The following STRIP1 variants were observed in gnomAD, a reference collection of about 807,000 sequenced individuals.
STRIP1 encodes striatin-interacting protein 1.
A neutral mutation model predicts 106.2 loss-of-function variants in STRIP1; 63 were observed. The ratio of observed to expected loss-of-function variants is 0.59; its 90% confidence interval spans 0.48 to 0.73. The LOEUF is 0.73. STRIP1 is among the 30% of genes least tolerant of loss of function. The probability of loss-of-function intolerance (pLI) is 0.00; values close to 1 mark genes in which losing one functional copy is unlikely to be tolerated. For synonymous variants in STRIP1, 390 were observed against 413.0 expected, an observed-to-expected ratio of 0.94 and a Z score of 0.67; for missense variants, 857 against 1,074.8, an observed-to-expected ratio of 0.80 and a Z score of 2.83.
intron 6 of STRIP1, 41 bp from the exon 7 acceptor site, chr1:110,041,495 C>G (rs759301386): frequency 1.3e-6 from 2 of 1,503,756 alleles, no homozygotes; most frequent in Admixed American, 1.7e-5. Context: ...CTCCTTTGAC[C>G]CCCCCATCCC....
At chr1:110,049,699 A>T in intron 17 of STRIP1, 139 bp downstream of exon 17, 1 of 627,776 alleles carries the variant, frequency 1.6e-6, no homozygotes, top group East Asian at 2.8e-5. Flanking sequence ...GATAAATGAG[A>T]CATGGCCTCT....
At position 110,038,841 on chromosome 1, in the gene STRIP1, A is replaced by G. The variant is rs1045690324; in HGVS notation, c.325+84A>G. ...TTCTTTTAGGCATCTGAATGACCTG[A>G]GTCATCCTGGAACAGCCTGAGAAGC... On this transcript the variant is annotated intron_variant, in intron 3 of 20. Coordinates refer to ENST00000369795, the MANE Select transcript of STRIP1 (RefSeq NM_033088.4). 3 of 1,273,680 alleles carry G rather than the reference A, an allele frequency of 2.4e-6. No individual in the cohort carries two copies. In the African/African-American group the frequency reaches 4.4e-5, roughly 19 times the overall value. The allele number at this position is 1,273,680 out of a possible 1,614,324, so 78.9% of individuals were successfully genotyped here.
At chr1:110,044,106 T>C (rs1278473262) in intron 10 of STRIP1, among the ~76,000 whole-genome samples, 1 of 152,244 alleles carries the variant, frequency 6.6e-6, no homozygotes, top group African/African-American at 2.4e-5. Context: ...CTTGGTTAGA[T>C]GTGCTAGTGA....
intron 6 of STRIP1, chr1:110,041,327 AC>A: frequency 5.8e-6 from 3 of 514,904 alleles, no homozygotes; most frequent in Non-Finnish European, 1.1e-5. Flanking sequence ...TTCTGCTTTG[AC>A]CCTACAGCTC....
intron 13 of STRIP1, among the ~76,000 whole-genome samples, 188 bp downstream of exon 13, chr1:110,046,939 A>G (rs1460230508): frequency 1.3e-5 from 2 of 151,986 alleles, no homozygotes; most frequent in African/African-American, 4.8e-5. Flanking sequence ...AGTCCCAGCT[A>G]TTCAGGAGGC....
At position 110,051,684 on chromosome 1, in the gene STRIP1, T is replaced by A; in HGVS notation, c.2063T>A (p.Met688Lys). The A allele has an allele frequency of 6.2e-7, 1 of 1,601,258 alleles. No homozygotes were observed. The highest frequency in any genetic ancestry group is 8.5e-7 in the Non-Finnish European group (1 of 1,173,876). The change falls in exon 20 of 21, where the codon ATG (methionine) becomes AAG (lysine). Residue 688 changes from methionine (M) to lysine (K), a missense_variant and splice_region_variant. Physicochemically the swap from Met to Lys is moderately conservative, Grantham distance 95. Around this residue, in one of 2 missense-constraint regions of STRIP1, gnomAD observed 750 missense variants for 989.8 expected, o/e 0.76. Coordinates refer to ENST00000369795, the MANE Select transcript of STRIP1 (RefSeq NM_033088.4). The part of the protein sequence containing the change: ...LTKWKHSRTM[M>K]LVVFKSAPIL... Reference sequence around the variant, plus strand: ...CTGCTTGCTTGTTTCCCTTCCCAGATGCTGGTGGTGTTCAAGTCAGCCCCC... The same window carrying A: ...CTGCTTGCTTGTTTCCCTTCCCAGAAGCTGGTGGTGTTCAAGTCAGCCCCC...
upstream of STRIP1, among the ~76,000 whole-genome samples, chr1:110,031,899 ATTTTT>A (rs201513805): frequency 7.6e-6 from 1 of 132,424 alleles, no homozygotes; most frequent in Non-Finnish European, 1.6e-5. Context: ...TTTTAATTTG[ATTTTT>A]TTTTTTTTTT....
intron 19 of STRIP1, 50 bp from the exon 20 acceptor site, chr1:110,051,633 G>A: frequency 6.6e-7 from 1 of 1,518,266 alleles, no homozygotes; most frequent in Non-Finnish European, 8.9e-7. Context: ...TGGGATGTAT[G>A]CATTTATTTT....
At chr1:110,040,379 G>A (rs1482250564) in intron 5 of STRIP1, among the ~76,000 whole-genome samples, 9 of 151,984 alleles carry the variant, frequency 5.9e-5, no homozygotes, top group South Asian at 2.1e-4. Context: ...ATGGGGTTTC[G>A]CCATGTTGGC....
At chr1:110,036,644 A>G (rs1214414636) in intron 1 of STRIP1, among the ~76,000 whole-genome samples, 1 of 152,196 alleles carries the variant, frequency 6.6e-6, no homozygotes, top group African/African-American at 2.4e-5. Context: ...GGAGGCTCAC[A>G]TTTGATGAGA....
At position 110,048,003 on chromosome 1, in the gene STRIP1, A is replaced by C. The variant is rs1362554988; in HGVS notation, c.1661+134A>C. On this transcript the variant is annotated intron_variant, in intron 15 of 20. Coordinates refer to ENST00000369795, the MANE Select transcript of STRIP1 (RefSeq NM_033088.4). ...ATGTAGGTATTTTTGACCCAAAAAA[A>C]GGAAACTACGAGATTAAAGAGTTTC... is the stretch of plus-strand genomic sequence containing the variant. The C allele has an allele frequency of 6.8e-6, 5 of 735,724 alleles. No individual in the cohort carries two copies. In the East Asian group the frequency reaches 1.4e-4, roughly 20 times the overall value. 45.6% of individuals were successfully genotyped at this position (735,724 alleles called of 1,614,324 possible).
At position 110,050,447 on chromosome 1, in the gene STRIP1, C is replaced by G. The variant is rs772653529; in HGVS notation, c.1956+38C>G. 2.5e-6 allele frequency: 4 copies of G among 1,599,522 alleles called. No individual in the cohort carries two copies. In the East Asian group the frequency reaches 8.9e-5, roughly 36 times the overall value. On this transcript the variant is annotated intron_variant, in intron 18 of 20. Coordinates refer to ENST00000369795, the MANE Select transcript of STRIP1 (RefSeq NM_033088.4). The stretch of plus-strand genomic sequence containing the variant: ...GCTCTCCTCAGCTGTCCTTTTGGCA[C>G]CAGGGTCAGTGGGTAGAGAGCCTGC...
chr1:110,039,746 A>G, intron 5 of STRIP1: 1 of 1,128,896 alleles, frequency 8.9e-7, no homozygotes, highest in South Asian at 1.3e-5. Flanking sequence ...TTTACACCAG[A>G]CAGTGCAGGC....
intron 20 of STRIP1, among the ~76,000 whole-genome samples, chr1:110,052,724 C>T (rs763239998): frequency 2.6e-5 from 4 of 152,188 alleles, no homozygotes; most frequent in Non-Finnish European, 5.9e-5. Flanking sequence ...CCCACCTCGG[C>T]CTCCCAAAGT....
chr1:110,036,414 A>G (rs1034923969), intron 1 of STRIP1, among the ~76,000 whole-genome samples: 3 of 152,116 alleles, frequency 2.0e-5, no homozygotes, highest in South Asian at 4.1e-4. Context: ...AGATTGCACC[A>G]TTGCACTCCA....
At position 110,047,846 on chromosome 1, in the gene STRIP1, G is replaced by C. The variant is rs144383741; in HGVS notation, c.1638G>C (p.Ala546=). 6.4e-6 allele frequency: 10 copies of C among 1,563,004 alleles called. No individual in the cohort carries two copies. The highest frequency in any genetic ancestry group is 6.9e-6 in the Non-Finnish European group (8 of 1,152,498). Residue 546 remains alanine (A), a synonymous_variant, in exon 15 of 21, where the codon GCG becomes GCC. Transcript: ENST00000369795. ...KAKTDSINIL[A]DVLPEEMPTT... Reference sequence around the variant, plus strand: ...AAACAGACTCAATCAACATCCTAGCGGACGTCTTGCCTGAGGAGATGCCGT... The same window carrying C: ...AAACAGACTCAATCAACATCCTAGCCGACGTCTTGCCTGAGGAGATGCCGT...
intron 2 of STRIP1, 178 bp downstream of exon 2, chr1:110,038,138 A>T (rs186964923): frequency 5.9e-6 from 1 of 170,860 alleles, no homozygotes; most frequent in African/African-American, 2.7e-5. Context: ...ATTTGATTCA[A>T]GCCTTGTGTA....
At chr1:110,044,745 A>G in intron 10 of STRIP1, 95 bp from the exon 11 acceptor site, 1 of 1,202,324 alleles carries the variant, frequency 8.3e-7, no homozygotes, top group South Asian at 1.3e-5. Flanking sequence ...CTGGCTTCAC[A>G]GTTTCTGGAT....
intron 20 of STRIP1, among the ~76,000 whole-genome samples, chr1:110,052,452 G>A (rs1017406815): frequency 6.6e-6 from 1 of 151,988 alleles, no homozygotes; most frequent in African/African-American, 2.4e-5. Context: ...ATAGAGACAG[G>A]GTTTCACCAT....
Sources: allele counts gnomAD v4.1 joint callset (sites outside exome capture counted in the v4.1 genomes callset), GRCh38; gene constraint gnomAD v4.1.1; regional missense constraint gnomAD v4.1.1; transcripts MANE v1.5; gene names NCBI Gene and HGNC (gene_info 2026-07-23, HGNC 2026-07-21).